The following DGUOK variants were observed in gnomAD, a reference collection of about 807,000 sequenced individuals.
DGUOK encodes deoxyguanosine kinase.
In DGUOK, 30 loss-of-function variants were observed where a neutral mutation model predicts 36.6. The ratio of observed to expected loss-of-function variants is 0.82; its 90% confidence interval spans 0.61 to 1.11. DGUOK has a LOEUF of 1.11. Ranked by LOEUF, DGUOK falls within the 50% of genes most tolerant of loss-of-function variation. The pLI, the probability that DGUOK is intolerant of heterozygous loss-of-function variation, is 0.00. For missense variants in DGUOK, 361 were observed against 336.4 expected (o/e 1.07, Z -0.57); for synonymous variants, 145 against 126.3 (o/e 1.15, Z -0.99).
chr2:73,927,117 G>T, intron 1 of DGUOK, 65 bp downstream of exon 1: 1 of 1,597,492 alleles, frequency 6.3e-7, no homozygotes, highest in South Asian at 1.1e-5. Flanking sequence ...GGCTGGGAAA[G>T]GAGCTGGGCC....
chr2:73,958,911 C>T lies in DGUOK; in HGVS notation c.*175C>T, dbSNP rs1573590319. 1 of 628,062 alleles carries T rather than the reference C, an allele frequency of 1.6e-6. No homozygotes were observed. The allele number at this position is 628,062 out of a possible 1,614,324, so 38.9% of individuals were successfully genotyped here. A position where few individuals can be genotyped will look rare whatever the true frequency, so the allele number is the denominator to read the frequency against. ...GACTTTGCCATTGTTTTCTTTTGTA[C>T]CTGAAGCATTTTGAAAATAAAGTTT... On this transcript the variant is annotated 3_prime_UTR_variant, in exon 7 of 7. Transcript: ENST00000264093.
intron 2 of DGUOK, among the ~76,000 whole-genome samples, chr2:73,942,108 C>T (rs1286592641): frequency 2.6e-5 from 4 of 152,048 alleles, no homozygotes; most frequent in Admixed American, 2.6e-4. Flanking sequence ...TGGGGTTTCA[C>T]CATGTTGGCC....
Position 73,958,794 on chromosome 2 carries a change from A to G in DGUOK, c.*58A>G. 6.7e-7 allele frequency: 1 copy of G among 1,488,532 alleles called. No homozygotes were observed. The highest frequency in any genetic ancestry group is 9.4e-7 in the Non-Finnish European group (1 of 1,065,038). 92.2% of individuals were successfully genotyped at this position (1,488,532 alleles called of 1,614,324 possible). A position where few individuals can be genotyped will look rare whatever the true frequency, so the allele number is the denominator to read the frequency against. On this transcript the variant is annotated 3_prime_UTR_variant, in exon 7 of 7. Transcript: ENST00000264093. The stretch of plus-strand genomic sequence containing the variant: ...CTCCCTGACTTTCTGAAGCTAGAAA[A>G]ATGTTGTGTCTCCCAACCACCTTTC...
intron 2 of DGUOK, among the ~76,000 whole-genome samples, chr2:73,943,519 T>C (rs570878843): frequency 1.3e-5 from 2 of 152,160 alleles, no homozygotes; most frequent in East Asian, 3.9e-4. Flanking sequence ...TGGAGAAATT[T>C]TGCATCTTTT....
intron 4 of DGUOK, among the ~76,000 whole-genome samples, chr2:73,955,036 T>C (rs999946623): frequency 6.6e-6 from 1 of 152,218 alleles, no homozygotes; most frequent in Non-Finnish European, 1.5e-5. Context: ...CTCTTTTTTT[T>C]TCCCCACTCA....
intron 4 of DGUOK, among the ~76,000 whole-genome samples, chr2:73,952,300 T>C (rs563393349): frequency 2.0e-5 from 3 of 152,356 alleles, no homozygotes; most frequent in Admixed American, 1.3e-4. Flanking sequence ...TGTGACTTCT[T>C]TCAATAGTCT....
Position 73,926,929 on chromosome 2 carries a change from T to G in DGUOK, c.19T>G (p.Phe7Val). The change falls in exon 1 of 7, where the codon TTT becomes GTT. Residue 7 changes from phenylalanine to valine, a missense_variant. By Grantham distance (50) the Phe-to-Val change is conservative. Transcript: ENST00000264093. ...GGGTGGGATGGCCGCGGGCCGCCTC[T>G]TTCTAAGTCGGCTTCGAGCACCCTT... Reference protein sequence around the residue: MAAGRLFLSRLRAPFSS... With the variant: MAAGRLVLSRLRAPFSS... The G allele has an allele frequency of 6.2e-7, 1 of 1,613,624 alleles. No homozygotes were observed. Among genetic ancestry groups the G allele is most frequent in the Non-Finnish European group, 8.5e-7 (1 of 1,180,044 alleles).
At chr2:73,946,118 C>T (rs1280805543) in intron 2 of DGUOK, among the ~76,000 whole-genome samples, 1 of 151,406 alleles carries the variant, frequency 6.6e-6, no homozygotes, top group Non-Finnish European at 1.5e-5. Flanking sequence ...TTGCACATGC[C>T]GAGTAAGTGG....
chr2:73,958,193 T>G lies in DGUOK; in HGVS notation c.755T>G (p.Val252Gly). ...LMNIPVLVLD[V>G]NDDFSEEVTK... ...AACATTCCAGTGCTGGTGTTGGATGTCAATGATGATTTTTCTGAGGAAGTA... is the reference window on the plus strand; with the variant it reads ...AACATTCCAGTGCTGGTGTTGGATGGCAATGATGATTTTTCTGAGGAAGTA... Residue 252 changes from valine (V) to glycine (G), a missense_variant, in exon 6 of 7, where the codon GTC (valine) becomes GGC (glycine). Coordinates refer to ENST00000264093, the MANE Select transcript of DGUOK (RefSeq NM_080916.3). 1 of 1,613,944 alleles carries G rather than the reference T, an allele frequency of 6.2e-7. No homozygotes were observed. The highest frequency in any genetic ancestry group is 1.7e-4 in the Middle Eastern group (1 of 6,060).
At chr2:73,949,637 G>T (rs1182075663) in intron 3 of DGUOK, among the ~76,000 whole-genome samples, 2 of 152,204 alleles carry the variant, frequency 1.3e-5, no homozygotes, top group Non-Finnish European at 2.9e-5. Flanking sequence ...GACACTCACA[G>T]CCTTGCAGTC....
chr2:73,934,892 G>A (rs577180728), intron 1 of DGUOK, among the ~76,000 whole-genome samples: 8 of 152,270 alleles, frequency 5.3e-5, no homozygotes, highest in African/African-American at 1.7e-4. Context: ...GGGCAACATG[G>A]TGAAACCCTG....
At chr2:73,933,529 G>C (rs1259947970) in intron 1 of DGUOK, among the ~76,000 whole-genome samples, 1 of 152,192 alleles carries the variant, frequency 6.6e-6, no homozygotes, top group Non-Finnish European at 1.5e-5. Flanking sequence ...GGCGGGAGGA[G>C]GGGATGTCAG....
intron 4 of DGUOK, among the ~76,000 whole-genome samples, chr2:73,951,616 GGAGCCGAGAACA>G (rs1329286083): frequency 6.6e-6 from 1 of 152,178 alleles, no homozygotes; most frequent in Non-Finnish European, 1.5e-5. Context: ...TGGGCAGAAA[GGAGCCGAGAACA>G]GACTGAGCAG....
chr2:73,958,124 C>T lies in DGUOK; in HGVS notation c.708-22C>T, dbSNP rs554005472. 78 of 1,598,350 alleles carry T rather than the reference C, an allele frequency of 4.9e-5. 1 individual carries two copies. In the South Asian group the frequency reaches 8.5e-4, roughly 17 times the overall value. ...GTTACATTTCTTTTTTTCTGTCCCCCAAACGTTCACGCTTCTTATAGGCTC... is the reference window on the plus strand; with the variant it reads ...GTTACATTTCTTTTTTTCTGTCCCCTAAACGTTCACGCTTCTTATAGGCTC... On this transcript the variant is annotated intron_variant, in intron 5 of 6. Transcript: ENST00000264093.
At chr2:73,927,617 CCCTGTG>C (rs1680701013) in intron 1 of DGUOK, among the ~76,000 whole-genome samples, 1 of 152,144 alleles carries the variant, frequency 6.6e-6, no homozygotes, top group African/African-American at 2.4e-5. Flanking sequence ...ACAATTTTTG[CCCTGTG>C]CCTGTGCTAG....
Position 73,946,874 on chromosome 2 carries a change from A to G in DGUOK, c.411A>G (p.Val137=), listed in dbSNP as rs749733889. Residue 137 remains valine, a synonymous_variant, in exon 3 of 7, where the codon GTA becomes GTG. Transcript: ENST00000264093. ...AACTCTTACAGGCCAGGAAGCCAGT[A>G]CAGATCTTTGAGAGGTCTGTGTACA... is the stretch of plus-strand genomic sequence containing the variant. ...PEKLLQARKP[V]QIFERSVYSD... 3.7e-6 allele frequency: 6 copies of G among 1,613,462 alleles called. No homozygotes were observed. The highest frequency in any genetic ancestry group is 1.1e-5 in the South Asian group (1 of 90,992).
chr2:73,934,612 G>T (rs371824785), intron 1 of DGUOK, among the ~76,000 whole-genome samples: 1 of 152,108 alleles, frequency 6.6e-6, no homozygotes, highest in African/African-American at 2.4e-5. Flanking sequence ...AATTAGTCAG[G>T]TGTGGTGGCA....
At chr2:73,930,780 TTC>T (rs1383410180) in intron 1 of DGUOK, among the ~76,000 whole-genome samples, 1 of 120,676 alleles carries the variant, frequency 8.3e-6, no homozygotes, top group Non-Finnish European at 1.7e-5. Flanking sequence ...CGACATAATT[TTC>T]TTTTTTTTTT....
intron 1 of DGUOK, among the ~76,000 whole-genome samples, chr2:73,933,037 T>G (rs1681175764): frequency 6.6e-6 from 1 of 152,184 alleles, no homozygotes; most frequent in Non-Finnish European, 1.5e-5. Context: ...TACCTTATTT[T>G]CAAAGACCCA....
Sources: gnomAD v4.1 joint callset for allele counts (sites outside exome capture counted in the v4.1 genomes callset) on GRCh38, gnomAD v4.1.1 for gene constraint, MANE v1.5 for transcripts, NCBI Gene and HGNC (gene_info 2026-07-23, HGNC 2026-07-21) for gene names.